ABCC4: variants seen among roughly 807,000 people sequenced by gnomAD.
ABCC4 encodes ATP-binding cassette sub-family C member 4.
In ABCC4, 102 loss-of-function variants were observed where a neutral mutation model predicts 168.5. That is an observed-to-expected ratio of 0.61 (90% CI 0.52 to 0.71). The LOEUF (loss-of-function observed/expected upper bound fraction) is 0.71. Ranked by LOEUF, ABCC4 falls within the 30% of genes least tolerant of loss-of-function variation. The probability of loss-of-function intolerance (pLI) is 0.00; values close to 1 mark genes in which losing one functional copy is unlikely to be tolerated. For missense variants in ABCC4, 1,402 were observed against 1,605.8 expected (o/e 0.87, Z 2.17); for synonymous variants, 617 against 590.7 (o/e 1.04, Z -0.65).
rs777428345 is a variant in ABCC4, at chr13:95,247,043, A to G, written c.238T>C (p.Leu80=). The change falls in exon 3 of 31, where the codon TTA becomes CTA. Residue 80 remains leucine, a synonymous_variant. Transcript: ENST00000645237. ...TAACACTTTATGATTGCTCTTGTTA[A>G]AGAAGGCTTCTGTGCGTCATTCTCA... ...RAENDAQKPS[L]TRAIIKCYWK... The G allele has an allele frequency of 6.9e-5, 111 of 1,613,154 alleles. No homozygotes were observed. The highest frequency in any genetic ancestry group is 8.7e-5 in the Non-Finnish European group (103 of 1,179,220).
intron 20 of ABCC4, among the ~76,000 whole-genome samples, chr13:95,095,557 C>T (rs778494220): frequency 2.4e-4 from 37 of 151,880 alleles, no homozygotes; most frequent in Non-Finnish European, 2.9e-4. Context: ...GGGAGGAGGG[C>T]GAGGGATAAA....
At chr13:95,270,073 G>C (rs2040806769) in intron 1 of ABCC4, among the ~76,000 whole-genome samples, 2 of 152,124 alleles carry the variant, frequency 1.3e-5, no homozygotes, top group Non-Finnish European at 2.9e-5. Flanking sequence ...TAAAGGAAGG[G>C]AGGGAGGAAG....
rs1186756070 is a variant in ABCC4, at chr13:95,161,118, G to A, written c.2455+71C>T. On this transcript the variant is annotated intron_variant, in intron 19 of 30. Coordinates refer to ENST00000645237, the MANE Select transcript of ABCC4 (RefSeq NM_005845.5). ...CAGCATCCCTTCCATTTTCAAAGAT[G>A]GAAATGTAATCAGATCCTAAATGTG... 3.4e-6 allele frequency: 4 copies of A among 1,164,310 alleles called. No individual in the cohort carries two copies. The East Asian group carries it at 1.3e-4, about 38-fold the overall frequency. 72.1% of individuals were successfully genotyped at this position (1,164,310 alleles called of 1,614,324 possible). A position where few individuals can be genotyped will look rare whatever the true frequency, so the allele number is the denominator to read the frequency against.
intron 6 of ABCC4, 98 bp downstream of exon 6, chr13:95,209,336 A>C: frequency 7.3e-7 from 1 of 1,369,642 alleles, no homozygotes; most frequent in East Asian, 2.4e-5. Context: ...AGGAAGAGAT[A>C]ATAAAAGGCA....
At chr13:95,285,819 G>C (rs909751267) in intron 1 of ABCC4, among the ~76,000 whole-genome samples, 4 of 152,126 alleles carry the variant, frequency 2.6e-5, no homozygotes, top group African/African-American at 9.7e-5. Context: ...AAATGCCAAA[G>C]AAGATGCCAC....
chr13:95,191,107 T>TTA (rs1287613208), intron 9 of ABCC4, among the ~76,000 whole-genome samples: 1 of 152,148 alleles, frequency 6.6e-6, no homozygotes, highest in East Asian at 1.9e-4. Context: ...CAGCCCACAG[T>TTA]TACTCATCAA....
At chr13:95,039,789 C>T (rs2032276211) in intron 29 of ABCC4, among the ~76,000 whole-genome samples, 2 of 152,190 alleles carry the variant, frequency 1.3e-5, no homozygotes, top group Admixed American at 1.3e-4. Context: ...TGGCAGGATG[C>T]CATCGCTGAT....
At chr13:95,054,138 G>A (rs1176455731) in intron 26 of ABCC4, among the ~76,000 whole-genome samples, 3 of 141,548 alleles carry the variant, frequency 2.1e-5, no homozygotes, top group Non-Finnish European at 4.5e-5. Context: ...TTTTGCATCA[G>A]TGAATCCCCA....
intron 19 of ABCC4, among the ~76,000 whole-genome samples, chr13:95,130,369 CTCT>C (rs1344419040): frequency 1.6e-5 from 2 of 125,898 alleles, no homozygotes; most frequent in Non-Finnish European, 3.9e-5. Flanking sequence ...AATATTAAAT[CTCT>C]TTTTTGATCC....
chr13:95,135,669 C>T (rs915051854), intron 19 of ABCC4, among the ~76,000 whole-genome samples: 1 of 152,164 alleles, frequency 6.6e-6, no homozygotes, highest in African/African-American at 2.4e-5. Context: ...CTGTCTCTGC[C>T]TCCAGAAGTG....
chr13:95,104,454 C>G (rs892183014), intron 20 of ABCC4, among the ~76,000 whole-genome samples: 4 of 152,172 alleles, frequency 2.6e-5, no homozygotes, highest in Non-Finnish European at 5.9e-5. Context: ...ATGTATATAT[C>G]ACACACATAA....
At chr13:95,073,635 C>T (rs532245675) in intron 23 of ABCC4, 121 of 197,636 alleles carry the variant, frequency 6.1e-4, no homozygotes, top group Non-Finnish European at 9.7e-4. Context: ...CCACTTTCTA[C>T]GTGCAATGCA....
intron 20 of ABCC4, among the ~76,000 whole-genome samples, chr13:95,099,489 C>T (rs1239608485): frequency 6.6e-6 from 1 of 152,060 alleles, no homozygotes; most frequent in Non-Finnish European, 1.5e-5. Flanking sequence ...ATAAACTATA[C>T]CTCAATAAAA....
At chr13:95,191,948 C>A (rs1330604601) in intron 9 of ABCC4, among the ~76,000 whole-genome samples, 3 of 152,222 alleles carry the variant, frequency 2.0e-5, no homozygotes, top group Non-Finnish European at 4.4e-5. Flanking sequence ...GGGCAGCACT[C>A]GACAGCTCAG....
chr13:95,217,399 T>C (rs1288442787), intron 4 of ABCC4, among the ~76,000 whole-genome samples: 9 of 152,166 alleles, frequency 5.9e-5, no homozygotes, highest in Non-Finnish European at 1.3e-4. Context: ...ATCTTCATTT[T>C]AACAGATGTC....
rs2033736603 is a variant in ABCC4 at position 95,071,869 on chromosome 13, C to G, written c.3019-16G>C. ...CTGAGATCATCTGAAAGAAATATGA[C>G]ATCCCGAGGGGTTAGGAATGGAGGG... is the stretch of plus-strand genomic sequence containing the variant. On this transcript the variant is annotated splice_polypyrimidine_tract_variant and intron_variant, in intron 24 of 30. Coordinates refer to ENST00000645237, the MANE Select transcript of ABCC4 (RefSeq NM_005845.5). 6.7e-7 allele frequency: 1 copy of G among 1,481,494 alleles called. No homozygotes were observed. The highest frequency in any genetic ancestry group is 1.5e-5 in the South Asian group (1 of 66,266). The allele number at this position is 1,481,494 out of a possible 1,614,324, so 91.8% of individuals were successfully genotyped here.
rs189690804 is a variant in ABCC4 at position 95,294,822 on chromosome 13, C to T, written c.74+6419G>A. Among the ~76,000 whole-genome samples, 53 of 152,054 alleles carry T rather than the reference C, an allele frequency of 3.5e-4. No individual in the cohort carries two copies. The East Asian group carries it at 5.6e-3, about 16-fold the overall frequency. On this transcript the variant is annotated intron_variant, in intron 1 of 30. Transcript: ENST00000645237. Reference sequence around the variant, plus strand: ...ACAAAAAATTAGCTGAGCATGGTGGCGCACATCTGTAGTCCCAGCTATTTG... The same window carrying T: ...ACAAAAAATTAGCTGAGCATGGTGGTGCACATCTGTAGTCCCAGCTATTTG...
At chr13:95,188,677 T>C (rs1199171003) in intron 9 of ABCC4, 135 bp from the exon 10 acceptor site, 5 of 731,858 alleles carry the variant, frequency 6.8e-6, no homozygotes, top group African/African-American at 1.8e-5. Context: ...TTTTAAGATA[T>C]TGTATCCTAG....
chr13:95,026,842 T>C (rs1593961894), intron 30 of ABCC4, among the ~76,000 whole-genome samples: 1 of 151,380 alleles, frequency 6.6e-6, no homozygotes, highest in African/African-American at 2.4e-5. Flanking sequence ...TGAGCTATGA[T>C]TGTGCCACTG....
Sources: gnomAD v4.1 joint callset for allele counts (sites outside exome capture counted in the v4.1 genomes callset) on GRCh38, gnomAD v4.1.1 for gene constraint, MANE v1.5 for transcripts, NCBI Gene and HGNC (gene_info 2026-07-23, HGNC 2026-07-21) for gene names.